The following DGKG variants were observed in gnomAD, a reference collection of about 807,000 sequenced individuals.
The protein encoded by DGKG is diacylglycerol kinase gamma.
Under a neutral mutation model 105.3 loss-of-function variants are expected in DGKG, and 78 were observed. The observed-to-expected ratio is 0.74, with a 90% CI of 0.62 to 0.89. The LOEUF (loss-of-function observed/expected upper bound fraction) is 0.89, where lower values mean the gene tolerates loss of function less well. Among genes scored for constraint, DGKG ranks in the 40% least tolerant of loss-of-function variants. DGKG has a pLI of 0.00. For synonymous variants in DGKG, 346 were observed against 367.1 expected (o/e 0.94, Z 0.66); for missense variants, 958 against 1,020.1 (o/e 0.94, Z 0.83).
rs1489059882 is a variant in DGKG at position 186,309,524 on chromosome 3, A to G, written c.68-2547T>C. Among the ~76,000 whole-genome samples, 8 of 152,350 alleles carry G rather than the reference A, an allele frequency of 5.3e-5. No individual in the cohort carries two copies. In the East Asian group the frequency reaches 1.2e-3, roughly 22 times the overall value. ...CCAGAGCTCAGTTAACATCACACATATATGTTATTCCACAAGCAGCTTAAT... is the reference window on the plus strand; with the variant it reads ...CCAGAGCTCAGTTAACATCACACATGTATGTTATTCCACAAGCAGCTTAAT... On this transcript the variant is annotated intron_variant, in intron 2 of 24. Coordinates refer to ENST00000265022, the MANE Select transcript of DGKG (RefSeq NM_001346.3).
chr3:186,306,968 T>C lies in DGKG; in HGVS notation c.77A>G (p.Lys26Arg). Residue 26 changes from lysine (K) to arginine (R), a missense_variant, in exon 3 of 25, where the codon AAG becomes AGG. By Grantham distance (26) the Lys-to-Arg change is conservative. Around this residue, in one of 2 missense-constraint regions of DGKG, gnomAD observed 643 missense variants for 619.5 expected, o/e 1.04. Transcript: ENST00000265022. ...TTCAGTCAAGGCATCTTTTATCTTC[T>C]TGGAGGAATCTGAAGAGACACAATT... ...QLQKYSEYSSKKIKDALTEFN... is the reference protein window; with the variant it reads ...QLQKYSEYSSRKIKDALTEFN... The C allele has an allele frequency of 6.2e-7, 1 of 1,611,836 alleles. No individual in the cohort carries two copies. The highest frequency in any genetic ancestry group is 8.5e-7 in the Non-Finnish European group (1 of 1,177,908).
chr3:186,223,945 T>C (rs1313463662), intron 20 of DGKG, among the ~76,000 whole-genome samples: 1 of 152,184 alleles, frequency 6.6e-6, no homozygotes, highest in Non-Finnish European at 1.5e-5. Flanking sequence ...TTTGCCCCTC[T>C]CACTGTGTGG....
rs1453582743 is a variant in DGKG at position 186,302,515 on chromosome 3, T to C, written c.145-4286A>G. 1.5e-3 allele frequency among the ~76,000 whole-genome samples: 23 copies of C among 15,700 alleles called. 1 individual carries two copies. The South Asian group carries it at 0.021, about 14-fold the overall frequency. The allele number at this position is 15,700 out of a possible 152,430, so 10.3% of individuals were successfully genotyped here. On this transcript the variant is annotated intron_variant, in intron 3 of 24. Transcript: ENST00000265022. ...ATATATATATATATATACATATGTG[T>C]ATATATATATATATATACATATGTA...
At chr3:186,279,777 A>G (rs1031565058) in intron 9 of DGKG, 74 bp downstream of exon 9, 39 of 1,564,096 alleles carry the variant, frequency 2.5e-5, no homozygotes, top group Non-Finnish European at 3.0e-5. Flanking sequence ...AGCCAAAGTG[A>G]TATGTTGATA....
chr3:186,307,839 A>G (rs1724325247), intron 2 of DGKG, among the ~76,000 whole-genome samples: 1 of 151,450 alleles, frequency 6.6e-6, no homozygotes, highest in African/African-American at 2.4e-5. Flanking sequence ...ACACTATGGC[A>G]AGATAGTTTC....
In DGKG at chr3:186,200,586, A is replaced by G. The variant is rs997752184; in HGVS notation, c.1917+11209T>C. On this transcript the variant is annotated intron_variant, in intron 21 of 24. Transcript: ENST00000265022. ...TGGAACTAAATCCCCTTCCAGTTCCAAAATTCCACATCTACATTCAGCTTT... is the reference window on the plus strand; with the variant it reads ...TGGAACTAAATCCCCTTCCAGTTCCGAAATTCCACATCTACATTCAGCTTT... Among the ~76,000 whole-genome samples the G allele has an allele frequency of 1.3e-5, 2 of 152,202 alleles. 1 individual carries two copies. Among genetic ancestry groups the G allele is most frequent in the Admixed American group, 1.3e-4 (2 of 15,280 alleles).
At chr3:186,173,063 A>G (rs1716898498) in intron 22 of DGKG, among the ~76,000 whole-genome samples, 1 of 152,148 alleles carries the variant, frequency 6.6e-6, no homozygotes, top group Non-Finnish European at 1.5e-5. Flanking sequence ...CTCCATGCAT[A>G]TGGACCTTGG....
chr3:186,279,600 G>A (rs186727953), intron 9 of DGKG: 156 of 286,028 alleles, frequency 5.5e-4, no homozygotes, highest in Non-Finnish European at 1.0e-4. Flanking sequence ...GGCAGATAAT[G>A]TGTCTGTATT....
At chr3:186,280,883 T>A (rs1722801971) in intron 7 of DGKG, 139 bp from the exon 8 acceptor site, 2 of 654,654 alleles carry the variant, frequency 3.1e-6, no homozygotes, top group Non-Finnish European at 5.5e-6. Flanking sequence ...ACTGCCATTT[T>A]GTGAGGAGCT....
At chr3:186,174,149 T>G (rs1484708005) in intron 22 of DGKG, among the ~76,000 whole-genome samples, 1 of 152,222 alleles carries the variant, frequency 6.6e-6, no homozygotes, top group Non-Finnish European at 1.5e-5. Context: ...GCCTTTTATC[T>G]GGAAAATGTA....
chr3:186,179,146 C>T (rs756840082), intron 22 of DGKG, among the ~76,000 whole-genome samples: 3 of 152,194 alleles, frequency 2.0e-5, no homozygotes, highest in South Asian at 2.1e-4. Context: ...ATGGACCACA[C>T]GGCGTTCTAG....
In DGKG at chr3:186,297,425, A is replaced by T; in HGVS notation, c.369T>A (p.Asp123Glu). The change falls in exon 5 of 25, where the codon GAT (aspartate) becomes GAA (glutamate). Residue 123 changes from aspartate to glutamate, a missense_variant. Physicochemically the swap from Asp to Glu is conservative, Grantham distance 45. Coordinates refer to ENST00000265022, the MANE Select transcript of DGKG (RefSeq NM_001346.3). ...TCTTATATTCCAAAGACTTACCAGT[A>T]TCAGGGGCACAGGCCTCGTCTGCTT... is the stretch of plus-strand genomic sequence containing the variant. ...ATKADEACAPDTESNMAEKQA... is the reference protein window; with the variant it reads ...ATKADEACAPETESNMAEKQA... The T allele has an allele frequency of 6.2e-7, 1 of 1,610,512 alleles. No individual in the cohort carries two copies. The highest frequency in any genetic ancestry group is 8.5e-7 in the Non-Finnish European group (1 of 1,176,658).
At chr3:186,336,820 A>G (rs559745327) in intron 1 of DGKG, among the ~76,000 whole-genome samples, 2 of 152,206 alleles carry the variant, frequency 1.3e-5, no homozygotes, top group South Asian at 4.1e-4. Context: ...AGACATAACT[A>G]TAACGTAAGA....
intron 1 of DGKG, among the ~76,000 whole-genome samples, chr3:186,322,805 C>T (rs1489715117): frequency 6.6e-6 from 1 of 152,146 alleles, no homozygotes; most frequent in Non-Finnish European, 1.5e-5. Context: ...TTGTGTGTCC[C>T]AAACCACCCC....
intron 13 of DGKG, among the ~76,000 whole-genome samples, chr3:186,265,980 C>G (rs1177039891): frequency 1.3e-5 from 2 of 152,042 alleles, no homozygotes; most frequent in Non-Finnish European, 2.9e-5. Context: ...GTCGACTTGG[C>G]TTTTCGGCTG....
chr3:186,311,443 C>T (rs1054415627), intron 2 of DGKG, among the ~76,000 whole-genome samples: 16 of 152,184 alleles, frequency 1.1e-4, no homozygotes, highest in African/African-American at 3.9e-4. Context: ...AAGGTAGGAG[C>T]ATGTTTTGCA....
At chr3:186,152,973 T>A (rs1715841978) in intron 24 of DGKG, among the ~76,000 whole-genome samples, 1 of 151,124 alleles carries the variant, frequency 6.6e-6, no homozygotes, top group South Asian at 2.1e-4. Flanking sequence ...TTTTTTTTTT[T>A]TTTTTTTTAT....
At chr3:186,248,777 T>C (rs1322777045) in intron 19 of DGKG, among the ~76,000 whole-genome samples, 1 of 152,144 alleles carries the variant, frequency 6.6e-6, no homozygotes, top group Non-Finnish European at 1.5e-5. Flanking sequence ...GCTCTAGAGT[T>C]CAAATATTAT....
At chr3:186,163,135 A>G (rs1357175562) in intron 23 of DGKG, among the ~76,000 whole-genome samples, 2 of 152,094 alleles carry the variant, frequency 1.3e-5, no homozygotes, top group African/African-American at 2.4e-5. Flanking sequence ...CCTCCTGAGT[A>G]GCTAGGACTA....
Sources: gnomAD v4.1 joint callset for allele counts (sites outside exome capture counted in the v4.1 genomes callset) on GRCh38, gnomAD v4.1.1 for gene constraint, gnomAD v4.1.1 regional missense constraint, MANE v1.5 for transcripts, NCBI Gene and HGNC (gene_info 2026-07-23, HGNC 2026-07-21) for gene names.